The following SULT1A1 variants were observed in gnomAD, a reference collection of about 807,000 sequenced individuals.
The protein encoded by SULT1A1 is sulfotransferase 1A1.
In SULT1A1, 35 loss-of-function variants were observed where a neutral mutation model predicts 36.8. The observed-to-expected ratio is 0.95, with a 90% CI of 0.73 to 1.26. The LOEUF (loss-of-function observed/expected upper bound fraction) is 1.26, where lower values mean the gene tolerates loss of function less well. SULT1A1 is among the 50% of genes most tolerant of loss of function. SULT1A1 has a pLI of 0.00. For missense variants in SULT1A1, 309 were observed against 383.0 expected (o/e 0.81, Z 1.61); for synonymous variants, 119 against 146.0 (o/e 0.82, Z 1.33).
intron 1 of SULT1A1, chr16:28,623,021 G>C: frequency 1.4e-6 from 2 of 1,405,792 alleles, no homozygotes; most frequent in Non-Finnish European, 1.9e-6. Flanking sequence ...CTCCTGCCCG[G>C]GTCCCCAGGC....
chr16:28,607,622 T>TTTTC, intron 4 of SULT1A1: 1 of 114,598 alleles, frequency 8.7e-6, no homozygotes, highest in Non-Finnish European at 1.9e-5. Flanking sequence ...TTTTATTTTA[T>TTTTC]TTTATTTATT....
rs1473911957 is a variant in SULT1A1, at chr16:28,605,812, G to A, written c.*9C>T. ...CACACTCCCTCTGCAGTGACTCCAG[G>A]AGCCCCTCTCACAGCTCAGAGCGGA... On this transcript the variant is annotated 3_prime_UTR_variant, in exon 8 of 8. Coordinates refer to ENST00000314752, the MANE Select transcript of SULT1A1 (RefSeq NM_001055.4). The A allele has an allele frequency of 1.2e-6, 2 of 1,609,630 alleles. No homozygotes were observed. The highest frequency in any genetic ancestry group is 2.3e-4 in the Middle Eastern group (1 of 4,428).
chr16:28,622,852 C>G (rs776922882), intron 1 of SULT1A1, among the ~76,000 whole-genome samples: 2 of 152,308 alleles, frequency 1.3e-5, no homozygotes, highest in Non-Finnish European at 1.5e-5. Context: ...AGCCCCGACC[C>G]TAGTCCTCTA....
chr16:28,609,532 G>A, intron 1 of SULT1A1: 1 of 692,532 alleles, frequency 1.4e-6, no homozygotes, highest in Non-Finnish European at 2.1e-6. Context: ...GGGAGGCTGA[G>A]GCCAGGAGTT....
intron 6 of SULT1A1, 98 bp downstream of exon 6, chr16:28,606,663 G>C (rs2047202656): frequency 6.5e-6 from 10 of 1,544,186 alleles, no homozygotes; most frequent in Non-Finnish European, 8.8e-6. Context: ...TCCTGCTGTG[G>C]GGGCTGCCCA....
chr16:28,605,987 A>G (rs9282864), intron 7 of SULT1A1, 54 bp from the exon 8 acceptor site: 579,671 of 1,568,846 alleles, frequency 0.37, 107,991 homozygotes, highest in Admixed American at 0.46. Context: ...GGGAGGCCCC[A>G]AGTGCCTATG....
rs541091110 is a variant in SULT1A1 at position 28,622,882 on chromosome 16, C to T, written c.67+249G>A. ...CCTCTAAATTCCTGACCTGCTGTAC[C>T]TCTGGCTCCCCAATTTCTCGGCTCC... is the stretch of plus-strand genomic sequence containing the variant. On this transcript the variant is annotated intron_variant, in intron 1 of 5. Coordinates refer to the SULT1A1 transcript ENST00000350842. Among the ~76,000 whole-genome samples, 18 of 152,314 alleles carry T rather than the reference C, an allele frequency of 1.2e-4. No individual in the cohort carries two copies. The South Asian group carries it at 3.7e-3, about 32-fold the overall frequency.
chr16:28,609,089 C>T (rs60701883), intron 1 of SULT1A1: 22 of 1,441,808 alleles, frequency 1.5e-5, no homozygotes, highest in Non-Finnish European at 1.6e-5. Context: ...TGTTCAAAAT[C>T]CCAGGGCCTG....
chr16:28,605,486 G>A lies in SULT1A1; in HGVS notation c.*335C>T. The A allele has an allele frequency of 2.3e-6, 1 of 432,370 alleles. No homozygotes were observed. Among genetic ancestry groups the A allele is most frequent in the Non-Finnish European group, 4.3e-6 (1 of 234,238 alleles). The allele number at this position is 432,370 out of a possible 1,614,324, so 26.8% of individuals were successfully genotyped here. Reference sequence around the variant, plus strand: ...GATGTCTTGTAATGTTGAACAGGCTGGTCCCAAACTCCTGTCCTCCAGTGA... The same window carrying A: ...GATGTCTTGTAATGTTGAACAGGCTAGTCCCAAACTCCTGTCCTCCAGTGA... On this transcript the variant is annotated 3_prime_UTR_variant, in exon 8 of 8. Transcript: ENST00000314752.
In SULT1A1 at chr16:28,619,706, T is replaced by C. The variant is rs2047610637; in HGVS notation, c.138+357A>G. Among the ~76,000 whole-genome samples, 3 of 144,390 alleles carry C rather than the reference T, an allele frequency of 2.1e-5. No homozygotes were observed. The South Asian group carries it at 7.1e-4, about 34-fold the overall frequency. The allele number at this position is 144,390 out of a possible 152,430, so 94.7% of individuals were successfully genotyped here. On this transcript the variant is annotated intron_variant, in intron 2 of 5. Transcript: ENST00000350842. ...CTGCATTCCAGCCTGGGTGACAGAA[T>C]GAGACCCTGTCTCAAAAAAAATTTT...
chr16:28,608,410 G>A lies in SULT1A1; in HGVS notation c.275-22C>T, dbSNP rs758806079. The stretch of plus-strand genomic sequence containing the variant: ...ATCCCTGAGCAGTGGGTCAGGGAAG[G>A]TCTGGTGAGCTGAAGCCCCAGCCCT... On this transcript the variant is annotated intron_variant, in intron 3 of 7. Coordinates refer to ENST00000314752, the MANE Select transcript of SULT1A1 (RefSeq NM_001055.4). The A allele has an allele frequency of 3.4e-5, 55 of 1,612,346 alleles. 3 individuals are homozygous for A. Among genetic ancestry groups the A allele is most frequent in the Non-Finnish European group, 4.5e-5 (53 of 1,178,696 alleles).
intron 1 of SULT1A1, chr16:28,620,206 AC>A: frequency 6.9e-7 from 1 of 1,452,380 alleles, no homozygotes; most frequent in Non-Finnish European, 9.5e-7. Flanking sequence ...GTTTAAGTTT[AC>A]CATTCCAAAA....
At chr16:28,617,604 C>T (rs1191022376) in intron 2 of SULT1A1, among the ~76,000 whole-genome samples, 1 of 151,716 alleles carries the variant, frequency 6.6e-6, no homozygotes, top group East Asian at 1.9e-4. Flanking sequence ...TGCAGTGGCA[C>T]GATCTCAGCT....
In SULT1A1 at chr16:28,605,749, A is replaced by G. The variant is rs563290629; in HGVS notation, c.*72T>C. 19 of 1,604,812 alleles carry G rather than the reference A, an allele frequency of 1.2e-5. 2 individuals carry two copies. The highest frequency in any genetic ancestry group is 4.5e-5 in the East Asian group (2 of 44,818). Reference sequence around the variant, plus strand: ...ACCTACCGTCCCGGGCCCTCAATTCATATTTTATTCTTGAGCCGCTTGGTC... The same window carrying G: ...ACCTACCGTCCCGGGCCCTCAATTCGTATTTTATTCTTGAGCCGCTTGGTC... On this transcript the variant is annotated 3_prime_UTR_variant, in exon 8 of 8. Transcript: ENST00000314752.
At chr16:28,617,687 AC>A (rs1475069396) in intron 2 of SULT1A1, among the ~76,000 whole-genome samples, 2 of 151,740 alleles carry the variant, frequency 1.3e-5, no homozygotes, top group African/African-American at 4.8e-5. Flanking sequence ...GATTACAGGC[AC>A]CCGCCACCAT....
chr16:28,607,033 G>T lies in SULT1A1; in HGVS notation c.417C>A (p.Tyr139Ter). The T allele has an allele frequency of 1.2e-6, 2 of 1,612,544 alleles. No individual in the cohort carries two copies. Among genetic ancestry groups the T allele is most frequent in the Non-Finnish European group, 1.7e-6 (2 of 1,178,730 alleles). The change falls in exon 5 of 8, where the codon TAC becomes TAA. Residue 139 changes from tyrosine (Y) to a stop codon, truncating the protein, a stop_gained. Coordinates refer to ENST00000314752, the MANE Select transcript of SULT1A1 (RefSeq NM_001055.4). LOFTEE classifies it high-confidence loss of function. ...ARNAKDVAVSYYHFYHMAKVH... is the reference protein window; with the variant it reads ...ARNAKDVAVS ...CCTTGGCCATGTGGTAGAAGTGGTA[G>T]TAGGAAACTGCCACATCCTTTGCGT...
Position 28,617,090 on chromosome 16 carries a change from A to T in SULT1A1, c.138+2973T>A, listed in dbSNP as rs530144427. Among the ~76,000 whole-genome samples, 3 of 151,768 alleles carry T rather than the reference A, an allele frequency of 2.0e-5. No homozygotes were observed. In the South Asian group the frequency reaches 6.2e-4, roughly 32 times the overall value. ...GAGTGCAGTGGTACAATCATAGCTT[A>T]CTGCAGTCTTGACCTCCTGGGCTCA... is the stretch of plus-strand genomic sequence containing the variant. On this transcript the variant is annotated intron_variant, in intron 2 of 5. Coordinates refer to the SULT1A1 transcript ENST00000350842.
intron 1 of SULT1A1, 142 bp from the exon 2 acceptor site, chr16:28,609,001 G>A (rs1277155666): frequency 2.1e-5 from 32 of 1,550,794 alleles, no homozygotes; most frequent in Non-Finnish European, 2.8e-5. Context: ...TCAGTGGCGG[G>A]GCTGGGGCTG....
At chr16:28,615,661 A>T (rs2047525368) in intron 2 of SULT1A1, among the ~76,000 whole-genome samples, 1 of 152,160 alleles carries the variant, frequency 6.6e-6, no homozygotes, top group South Asian at 2.1e-4. Flanking sequence ...CCGGGTGACC[A>T]CTACCACCAA....
Sources: allele counts gnomAD v4.1 joint callset (sites outside exome capture counted in the v4.1 genomes callset), GRCh38; gene constraint gnomAD v4.1.1; transcripts MANE v1.5; gene names NCBI Gene and HGNC (gene_info 2026-07-23, HGNC 2026-07-21).